ATXN3: variants seen among roughly 807,000 people sequenced by gnomAD.
ATXN3 encodes the protein ataxin-3.
In ATXN3, 28 loss-of-function variants were observed where a neutral mutation model predicts 58.2. The ratio of observed to expected loss-of-function variants is 0.48; its 90% CI spans 0.36 to 0.66. The LOEUF is 0.66. Among genes scored for constraint, ATXN3 ranks in the 30% least tolerant of loss-of-function variants. ATXN3 has a pLI of 0.00. For missense variants in ATXN3, 321 were observed against 422.1 expected (o/e 0.76, Z 2.10); for synonymous variants, 113 against 138.5 (o/e 0.82, Z 1.29).
In ATXN3 at chr14:92,105,817, T is replaced by C. The variant is rs541422032; in HGVS notation, c.24+712A>G. ...CAAAATCATCCCAGTCCACTCCTAATACCTAAAAACAAAGCTGGCCGCCTG... is the reference window on the plus strand; with the variant it reads ...CAAAATCATCCCAGTCCACTCCTAACACCTAAAAACAAAGCTGGCCGCCTG... On this transcript the variant is annotated intron_variant, in intron 1 of 10. Coordinates refer to ENST00000644486, the MANE Select transcript of ATXN3 (RefSeq NM_004993.6). Among the ~76,000 whole-genome samples the C allele has an allele frequency of 2.6e-4, 39 of 152,260 alleles. 2 individuals are homozygous for C. Among genetic ancestry groups the C allele is most frequent in the South Asian group, 2.1e-4 (1 of 4,826 alleles).
At chr14:92,089,207 A>G (rs2063221488) in intron 5 of ATXN3, among the ~76,000 whole-genome samples, 1 of 151,574 alleles carries the variant, frequency 6.6e-6, no homozygotes, top group Non-Finnish European at 1.5e-5. Flanking sequence ...AGTTAGAGAC[A>G]GCACATTTGC....
At chr14:92,082,974 A>G in intron 7 of ATXN3, 152 bp downstream of exon 7, 1 of 936,016 alleles carries the variant, frequency 1.1e-6, no homozygotes, top group African/African-American at 1.7e-5. Flanking sequence ...CAAAGAGTTG[A>G]TTCAAGTTTA....
At chr14:92,094,562 T>C (rs1363833130) in intron 3 of ATXN3, among the ~76,000 whole-genome samples, 2 of 152,212 alleles carry the variant, frequency 1.3e-5, no homozygotes, top group Non-Finnish European at 2.9e-5. Flanking sequence ...AACTGAAGGT[T>C]CCATAGATGT....
Position 92,088,821 on chromosome 14 carries a change from G to GA in ATXN3, c.388-5dup, listed in dbSNP as rs768859725. The GA allele has an allele frequency of 4.5e-6, 7 of 1,571,084 alleles. No homozygotes were observed. The highest frequency in any genetic ancestry group is 2.7e-5 in the African/African-American group (2 of 73,662). On this transcript the variant is annotated splice_polypyrimidine_tract_variant and splice_region_variant and intron_variant, in intron 5 of 10. Coordinates refer to ENST00000644486, the MANE Select transcript of ATXN3 (RefSeq NM_004993.6). The stretch of plus-strand genomic sequence containing the variant: ...AGAGAGAATTCAAGTTAAACCACTG[G>GA]AAAAAAATTGTCAATATTTAAGTTA...
rs538312555 is a variant in ATXN3, at chr14:92,063,491, C to A, written c.*829G>T. 6.6e-6 allele frequency: 1 copy of A among 151,986 alleles called. No individual in the cohort carries two copies. Among genetic ancestry groups the A allele is most frequent in the Non-Finnish European group, 1.5e-5 (1 of 67,986 alleles). The allele number at this position is 151,986 out of a possible 1,614,324, so 9.4% of individuals were successfully genotyped here. On this transcript the variant is annotated 3_prime_UTR_variant, in exon 11 of 11. Coordinates refer to ENST00000644486, the MANE Select transcript of ATXN3 (RefSeq NM_004993.6). Reference sequence around the variant, plus strand: ...TTGGAGAAGAAAGGAAAAAATAAGGCGCAGGAAGAAGGGGTTGCAACAAAG... The same window carrying A: ...TTGGAGAAGAAAGGAAAAAATAAGGAGCAGGAAGAAGGGGTTGCAACAAAG...
At position 92,060,635 on chromosome 14, in the gene ATXN3, T is replaced by A. The variant is rs539718709; in HGVS notation, c.*3685A>T. Reference sequence around the variant, plus strand: ...AGATTTATTTTTCTACTTAAGATTTTAAAATTATCATATTTTGATTATGCA... The same window carrying A: ...AGATTTATTTTTCTACTTAAGATTTAAAAATTATCATATTTTGATTATGCA... On this transcript the variant is annotated 3_prime_UTR_variant, in exon 11 of 11. Coordinates refer to ENST00000644486, the MANE Select transcript of ATXN3 (RefSeq NM_004993.6). The A allele has an allele frequency of 6.6e-6, 1 of 152,300 alleles. No individual in the cohort carries two copies. The highest frequency in any genetic ancestry group is 2.1e-4 in the South Asian group (1 of 4,832). The allele number at this position is 152,300 out of a possible 1,614,324, so 9.4% of individuals were successfully genotyped here.
intron 3 of ATXN3, 102 bp from the exon 4 acceptor site, chr14:92,093,933 G>C: frequency 4.7e-6 from 3 of 640,848 alleles, no homozygotes; most frequent in Non-Finnish European, 5.4e-6. Context: ...AATTTCTCTA[G>C]AAGGCTATAG....
Position 92,093,590 on chromosome 14 carries a change from T to C in ATXN3, c.320+156A>G, listed in dbSNP as rs574458167. On this transcript the variant is annotated intron_variant, in intron 4 of 10. Transcript: ENST00000644486. Reference sequence around the variant, plus strand: ...AGGAAGGCTACAGGGCAGATGCTCATGGACATCACAAAGGTGAAATAGGAA... The same window carrying C: ...AGGAAGGCTACAGGGCAGATGCTCACGGACATCACAAAGGTGAAATAGGAA... The C allele has an allele frequency of 1.5e-4, 101 of 685,436 alleles. No individual in the cohort carries two copies. The African/African-American group carries it at 1.6e-3, about 11-fold the overall frequency. 42.5% of individuals were successfully genotyped at this position (685,436 alleles called of 1,614,324 possible).
chr14:92,083,738 G>A (rs1226355437), intron 6 of ATXN3, among the ~76,000 whole-genome samples: 1 of 152,106 alleles, frequency 6.6e-6, no homozygotes, highest in Non-Finnish European at 1.5e-5. Context: ...TGGATTGAAG[G>A]CTACAAATTA....
rs777729152 is a variant in ATXN3 at position 92,083,250 on chromosome 14, T to C, written c.484A>G (p.Ile162Val). 4 of 1,596,388 alleles carry C rather than the reference T, an allele frequency of 2.5e-6. No homozygotes were observed. The highest frequency in any genetic ancestry group is 2.7e-5 in the African/African-American group (2 of 73,460). Residue 162 changes from isoleucine (I) to valine (V), a missense_variant, in exon 7 of 11, where the codon ATA becomes GTA. Coordinates refer to ENST00000644486, the MANE Select transcript of ATXN3 (RefSeq NM_004993.6). ...GGCAGATCACCCTTAACGACAAATATAGAATAACCTAAAAAAAAAAGGCAA... is the reference window on the plus strand; with the variant it reads ...GGCAGATCACCCTTAACGACAAATACAGAATAACCTAAAAAAAAAAGGCAA... ...LAQLQQEGYS[I>V]FVVKGDLPDC... is the part of the protein sequence containing the mutation.
At chr14:92,074,614 A>G (rs894372477) in intron 9 of ATXN3, among the ~76,000 whole-genome samples, 1 of 152,202 alleles carries the variant, frequency 6.6e-6, no homozygotes, top group African/African-American at 2.4e-5. Context: ...GGTTTGTGGT[A>G]CTGTGGAGGC....
At chr14:92,082,536 T>C (rs979805612) in intron 7 of ATXN3, 70 bp from the exon 8 acceptor site, 60 of 1,398,962 alleles carry the variant, frequency 4.3e-5, no homozygotes, top group Non-Finnish European at 5.5e-5. Flanking sequence ...AAGGCATTTG[T>C]AATGTAAAGG....
At chr14:92,077,907 A>C (rs2060713786) in intron 9 of ATXN3, among the ~76,000 whole-genome samples, 1 of 151,158 alleles carries the variant, frequency 6.6e-6, no homozygotes, top group Admixed American at 6.6e-5. Flanking sequence ...TCAGCCTCCC[A>C]AAGTGCTGGG....
chr14:92,096,620 T>C (rs2065316294), intron 2 of ATXN3, 54 bp downstream of exon 2: 2 of 1,413,802 alleles, frequency 1.4e-6, no homozygotes, highest in African/African-American at 1.6e-5. Context: ...CGAGACTCCG[T>C]CTCAAAAAAA....
At chr14:92,094,565 A>G (rs550997833) in intron 3 of ATXN3, among the ~76,000 whole-genome samples, 29 of 152,362 alleles carry the variant, frequency 1.9e-4, no homozygotes, top group African/African-American at 6.7e-4. Flanking sequence ...TGAAGGTTCC[A>G]TAGATGTCAG....
chr14:92,053,224 T>C (rs1383204047), upstream of ATXN3, among the ~76,000 whole-genome samples: 1 of 152,208 alleles, frequency 6.6e-6, no homozygotes, highest in Non-Finnish European at 1.5e-5. Flanking sequence ...ATCTCCAGCC[T>C]GGGTGACAGA....
rs5810574 is a variant in ATXN3 at position 92,096,641 on chromosome 14, A to T, written c.189+33T>A. 90 of 1,557,104 alleles carry T rather than the reference A, an allele frequency of 5.8e-5. No homozygotes were observed. The East Asian group carries it at 1.7e-3, about 29-fold the overall frequency. ...TCCGTCTCAAAAAAAAAAAAAAAAA[A>T]GAAATGTGACTTAGTGAGTTTAAAA... On this transcript the variant is annotated intron_variant, in intron 2 of 10. Coordinates refer to ENST00000644486, the MANE Select transcript of ATXN3 (RefSeq NM_004993.6).
intron 6 of ATXN3, among the ~76,000 whole-genome samples, chr14:92,086,540 G>A (rs8006491): frequency 0.28 from 39,030 of 138,598 alleles, 5,683 homozygotes; most frequent in East Asian, 0.44. Flanking sequence ...ACTCCAGCCG[G>A]AGCAACAAGA....
intron 1 of ATXN3, among the ~76,000 whole-genome samples, chr14:92,048,902 G>A (rs2057438477): frequency 6.6e-6 from 1 of 152,132 alleles, no homozygotes; most frequent in Admixed American, 6.5e-5. Context: ...AGAGAAAGAA[G>A]AAAGATTTGG....
Sources: allele counts gnomAD v4.1 joint callset (sites outside exome capture counted in the v4.1 genomes callset), GRCh38; gene constraint gnomAD v4.1.1; transcripts MANE v1.5; gene names NCBI Gene and HGNC (gene_info 2026-07-23, HGNC 2026-07-21).